CNDP2: variants seen among roughly 807,000 people sequenced by gnomAD.
CNDP2 encodes carnosine dipeptidase 2.
In CNDP2, 38 loss-of-function variants were observed where a neutral mutation model predicts 55.0. That is an observed-to-expected ratio of 0.69 (90% confidence interval 0.53 to 0.90). The LOEUF (loss-of-function observed/expected upper bound fraction) is 0.90, where lower values mean the gene tolerates loss of function less well. CNDP2 is among the 40% of genes least tolerant of loss of function. CNDP2 has a pLI of 0.00. For synonymous variants in CNDP2, 241 were observed against 260.2 expected, an observed-to-expected ratio of 0.93 and a Z score of 0.71; for missense variants, 607 against 621.7, an observed-to-expected ratio of 0.98 and a Z score of 0.25.
intron 3 of CNDP2, 79 bp downstream of exon 3, chr18:74,501,551 A>C: frequency 6.7e-7 from 1 of 1,503,494 alleles, no homozygotes; most frequent in Non-Finnish European, 8.9e-7. Context: ...ACAAGTTCTT[A>C]AAAGATCTTT....
At chr18:74,518,673 A>G (rs1230399076) in intron 10 of CNDP2, 33 bp downstream of exon 10, 24 of 1,613,270 alleles carry the variant, frequency 1.5e-5, no homozygotes, top group Admixed American at 1.2e-4. Context: ...GATGCCGCGC[A>G]GGGCCCTTCG....
chr18:74,516,541 G>A (rs1979680575), intron 9 of CNDP2, 149 bp downstream of exon 9: 16 of 770,262 alleles, frequency 2.1e-5, no homozygotes, highest in Admixed American at 6.1e-5. Flanking sequence ...TGACAGTCAC[G>A]GTTCAGAAGC....
intron 11 of CNDP2, among the ~76,000 whole-genome samples, chr18:74,519,443 C>T (rs1027805121): frequency 4.6e-5 from 7 of 152,304 alleles, no homozygotes; most frequent in African/African-American, 1.4e-4. Flanking sequence ...CTGACTTGGG[C>T]GGACGTGATG....
intron 5 of CNDP2, chr18:74,509,210 C>T: frequency 7.2e-6 from 3 of 418,978 alleles, no homozygotes; most frequent in Non-Finnish European, 1.3e-5. Flanking sequence ...TTTTCAGTCC[C>T]TGCCTGTCTC....
At chr18:74,501,147 TACAA>T (rs1978671677) in intron 2 of CNDP2, 178 bp from the exon 3 acceptor site, 2 of 1,326,038 alleles carry the variant, frequency 1.5e-6, no homozygotes, top group Admixed American at 3.5e-5. Context: ...CTTCCCTCAG[TACAA>T]ACAGTTTTTA....
rs201984055 is a variant in CNDP2, at chr18:74,505,831, T to C, written c.205-18T>C. On this transcript the variant is annotated intron_variant, in intron 3 of 11. Transcript: ENST00000324262. ...TTAAACAAAGGCTGTCCTTGGTTCC[T>C]TTCCTCTCCATGCTCAGCTCCCTGA... is the stretch of plus-strand genomic sequence containing the variant. The C allele has an allele frequency of 5.8e-5, 94 of 1,612,896 alleles. No individual in the cohort carries two copies. The East Asian group carries it at 1.4e-3, about 24-fold the overall frequency.
At chr18:74,499,705 G>T (rs1978583307) in intron 1 of CNDP2, 177 bp from the exon 2 acceptor site, 1 of 396,968 alleles carries the variant, frequency 2.5e-6, no homozygotes. Context: ...ACGGAATTTT[G>T]TGTAATTTTC....
chr18:74,513,926 C>G (rs1377201476), intron 8 of CNDP2: 1 of 528,594 alleles, frequency 1.9e-6, no homozygotes. Flanking sequence ...TTGATTCCAT[C>G]AGACCTGGAG....
chr18:74,506,960 G>A (rs910960867), intron 4 of CNDP2: 7 of 152,196 alleles, frequency 4.6e-5, no homozygotes, highest in African/African-American at 9.7e-5. Context: ...TCTTCTCATC[G>A]AAGCCCTTCC....
intron 11 of CNDP2, among the ~76,000 whole-genome samples, chr18:74,519,534 G>A (rs1979931183): frequency 6.6e-6 from 1 of 152,192 alleles, no homozygotes; most frequent in African/African-American, 2.4e-5. Flanking sequence ...AGGGGTCTTG[G>A]GTAGTTCCGG....
intron 7 of CNDP2, 133 bp from the exon 8 acceptor site, chr18:74,513,423 CCCT>C (rs1979464945): frequency 1.3e-5 from 11 of 879,420 alleles, no homozygotes; most frequent in Middle Eastern, 3.6e-4. Context: ...TGCTCTTGGC[CCCT>C]CCTCAGCCAC....
At chr18:74,500,764 A>G (rs1350235292) in intron 2 of CNDP2, among the ~76,000 whole-genome samples, 1 of 152,236 alleles carries the variant, frequency 6.6e-6, no homozygotes, top group African/African-American at 2.4e-5. Flanking sequence ...CTGCCTTAAA[A>G]TCCGAGCTCC....
chr18:74,496,731 A>G (rs1017892094), intron 1 of CNDP2, among the ~76,000 whole-genome samples: 1 of 152,136 alleles, frequency 6.6e-6, no homozygotes, highest in African/African-American at 2.4e-5. Context: ...ACTTGGCCTG[A>G]GCCTGCGTGG....
Position 74,520,151 on chromosome 18 carries a change from G to C in CNDP2, c.*83G>C. 7.6e-7 allele frequency: 1 copy of C among 1,315,404 alleles called. No individual in the cohort carries two copies. The highest frequency in any genetic ancestry group is 2.3e-5 in the East Asian group (1 of 43,188). 81.5% of individuals were successfully genotyped at this position (1,315,404 alleles called of 1,614,324 possible). On this transcript the variant is annotated 3_prime_UTR_variant, in exon 12 of 12. Coordinates refer to ENST00000324262, the MANE Select transcript of CNDP2 (RefSeq NM_018235.3). ...TTTCCAACTTGCCCAGGGAAGTGGA[G>C]GTTCCCTCTTTCCTTTCCCTCTTGT...
In CNDP2 at chr18:74,516,238, T is replaced by G; in HGVS notation, c.914T>G (p.Leu305Arg). ...ILLHSHKKDI[L>R]MHRWRYPSLS... ...CTGATTTTTCTGCAGAAAGACATCC[T>G]CATGCACCGATGGCGGTACCCGTCT... Residue 305 changes from leucine to arginine, a missense_variant, in exon 9 of 12, where the codon CTC becomes CGC. Transcript: ENST00000324262. The G allele has an allele frequency of 6.2e-7, 1 of 1,612,676 alleles. No individual in the cohort carries two copies. Among genetic ancestry groups the G allele is most frequent in the South Asian group, 1.1e-5 (1 of 90,890 alleles).
chr18:74,515,949 G>A (rs1447763965), intron 8 of CNDP2, among the ~76,000 whole-genome samples: 2 of 152,296 alleles, frequency 1.3e-5, no homozygotes, highest in South Asian at 2.1e-4. Flanking sequence ...AGCGTGGCTC[G>A]CCTAGTTCTG....
intron 1 of CNDP2, among the ~76,000 whole-genome samples, chr18:74,497,031 C>G (rs1431205916): frequency 5.3e-5 from 8 of 152,150 alleles, no homozygotes; most frequent in African/African-American, 1.9e-4. Flanking sequence ...GCTTGATGGT[C>G]TGGGGCAGGT....
At chr18:74,512,195 T>A (rs1979391115) in intron 6 of CNDP2, 1 of 445,310 alleles carries the variant, frequency 2.2e-6, no homozygotes, top group Non-Finnish European at 4.0e-6. Context: ...CAGATTGCCC[T>A]GTGGAATGCT....
Position 74,505,977 on chromosome 18 carries a change from G to A in CNDP2, c.333G>A (p.Trp111Ter). The change falls in exon 4 of 12, where the codon TGG becomes TGA. Residue 111 changes from tryptophan (W) to a stop codon, truncating the protein, a stop_gained. Transcript: ENST00000324262. LOFTEE classifies it high-confidence loss of function. Reference sequence around the variant, plus strand: ...AGCCTGCAGCCCTGGAGGACGGCTGGGACAGCGAGCCCTTCACCCTGGTGG... The same window carrying A: ...AGCCTGCAGCCCTGGAGGACGGCTGAGACAGCGAGCCCTTCACCCTGGTGG... ...DVQPAALEDG[W>*]DSEPFTLVER... is the part of the protein sequence containing the mutation. 6.2e-7 allele frequency: 1 copy of A among 1,605,438 alleles called. No homozygotes were observed. Among genetic ancestry groups the A allele is most frequent in the Non-Finnish European group, 8.5e-7 (1 of 1,177,372 alleles).
Sources: gnomAD v4.1 joint callset for allele counts (sites outside exome capture counted in the v4.1 genomes callset) on GRCh38, gnomAD v4.1.1 for gene constraint, MANE v1.5 for transcripts, NCBI Gene and HGNC (gene_info 2026-07-23, HGNC 2026-07-21) for gene names.